Variants in LINGO2 observed in about 807,000 individuals in gnomAD.
LINGO2 encodes leucine-rich repeat and immunoglobulin-like domain-containing nogo receptor-interacting protein 2.
In LINGO2, 14 loss-of-function variants were observed where a neutral mutation model predicts 30.6. That is an observed-to-expected ratio of 0.46 (90% CI 0.30 to 0.72). The LOEUF is 0.72. Among genes scored for constraint, LINGO2 ranks in the 30% least tolerant of loss-of-function variants. The pLI is 0.07. For synonymous variants in LINGO2, 317 were observed against 288.5 expected (o/e 1.10, Z -1.00); for missense variants, 729 against 751.7 (o/e 0.97, Z 0.35).
chr9:28,795,485 A>G, the LINGO2 span, among the ~76,000 whole-genome samples: 25 of 152,108 alleles, frequency 1.6e-4, no homozygotes, highest in Non-Finnish European at 3.2e-4. Flanking sequence ...ACAATTAGCA[A>G]TTTTCAAAAA....
chr9:29,051,341 T>C, the LINGO2 span, among the ~76,000 whole-genome samples: 2 of 152,178 alleles, frequency 1.3e-5, no homozygotes, highest in African/African-American at 4.8e-5. Context: ...TCTTTCACCA[T>C]CTCCATAATT....
At chr9:28,103,118 T>C (rs1305015768) in intron 4 of LINGO2, among the ~76,000 whole-genome samples, 1 of 152,182 alleles carries the variant, frequency 6.6e-6, no homozygotes, top group Non-Finnish European at 1.5e-5. Flanking sequence ...TCTAGAAGAC[T>C]TATTAGTACA....
chr9:28,254,699 A>G (rs1822322328), intron 4 of LINGO2, among the ~76,000 whole-genome samples: 2 of 152,164 alleles, frequency 1.3e-5, no homozygotes, highest in Admixed American at 6.6e-5. Context: ...GCTAGAAGAT[A>G]AAGTTTTCAG....
intron 4 of LINGO2, among the ~76,000 whole-genome samples, chr9:28,036,127 G>A (rs1467456993): frequency 6.6e-6 from 1 of 151,982 alleles, no homozygotes; most frequent in East Asian, 1.9e-4. Flanking sequence ...TGGTGAGGCA[G>A]TAATTATATT....
intron 2 of LINGO2, among the ~76,000 whole-genome samples, chr9:28,410,249 T>C (rs1160380437): frequency 6.6e-6 from 1 of 152,098 alleles, no homozygotes; most frequent in Non-Finnish European, 1.5e-5. Context: ...TTATTCTCCA[T>C]CTTATTTTAT....
the LINGO2 span, among the ~76,000 whole-genome samples, chr9:28,720,144 T>G: frequency 7.9e-5 from 12 of 152,090 alleles, no homozygotes; most frequent in African/African-American, 2.7e-4. Context: ...AACCAATCAC[T>G]GCACAATTAA....
intron 1 of LINGO2, among the ~76,000 whole-genome samples, chr9:28,502,335 G>A (rs1195512672): frequency 6.6e-6 from 1 of 151,926 alleles, no homozygotes; most frequent in Non-Finnish European, 1.5e-5. Flanking sequence ...CAGTATTTCA[G>A]CTTGACTTCT....
intron 3 of LINGO2, among the ~76,000 whole-genome samples, chr9:28,316,142 A>C (rs1824837006): frequency 2.0e-5 from 3 of 152,084 alleles, no homozygotes; most frequent in Non-Finnish European, 4.4e-5. Context: ...CTTGTCATAT[A>C]TTAATAATAA....
At chr9:28,052,536 C>T (rs1824724912) in intron 4 of LINGO2, among the ~76,000 whole-genome samples, 1 of 152,040 alleles carries the variant, frequency 6.6e-6, no homozygotes, top group Non-Finnish European at 1.5e-5. Flanking sequence ...CCAGAGATGA[C>T]ACTGCACAGC....
At chr9:28,590,602 A>C (rs1587922345) in intron 1 of LINGO2, among the ~76,000 whole-genome samples, 2 of 152,128 alleles carry the variant, frequency 1.3e-5, no homozygotes, top group African/African-American at 4.8e-5. Context: ...TCAAAACCAC[A>C]ATGAGATACC....
chr9:28,237,712 G>A (rs28814012), intron 4 of LINGO2, among the ~76,000 whole-genome samples: 20,741 of 151,950 alleles, frequency 0.14, 1,609 homozygotes, highest in African/African-American at 0.21. Context: ...AAAATTAGCC[G>A]GGCATGGTGG....
the LINGO2 span, among the ~76,000 whole-genome samples, chr9:28,753,127 G>A: frequency 3.3e-5 from 5 of 151,808 alleles, no homozygotes; most frequent in Non-Finnish European, 5.9e-5. Flanking sequence ...AAAATCCCAG[G>A]TGCATATTTT....
the LINGO2 span, among the ~76,000 whole-genome samples, chr9:28,842,889 T>C: frequency 6.6e-6 from 1 of 151,942 alleles, no homozygotes; most frequent in Non-Finnish European, 1.5e-5. Flanking sequence ...GCAATAATTA[T>C]GAAGAAGAGT....
At chr9:28,608,188 C>T (rs1281709023) in intron 1 of LINGO2, among the ~76,000 whole-genome samples, 3 of 150,818 alleles carry the variant, frequency 2.0e-5, no homozygotes, top group Non-Finnish European at 4.4e-5. Flanking sequence ...TTCTTATATT[C>T]TCATTCTATG....
the LINGO2 span, among the ~76,000 whole-genome samples, chr9:28,688,882 C>T: frequency 3.3e-5 from 5 of 152,242 alleles, no homozygotes; most frequent in African/African-American, 7.2e-5. Context: ...ATCTGTCTGT[C>T]TTTTTCCCCT....
the LINGO2 span, chr9:27,942,636 T>C: frequency 6.6e-6 from 1 of 152,188 alleles, no homozygotes; most frequent in Non-Finnish European, 1.5e-5. Flanking sequence ...TGTTAGGTTC[T>C]TGGTTATTAA....
intron 2 of LINGO2, among the ~76,000 whole-genome samples, chr9:28,390,022 A>G (rs1821759794): frequency 6.6e-6 from 1 of 152,126 alleles, no homozygotes; most frequent in African/African-American, 2.4e-5. Flanking sequence ...TTACACCAAT[A>G]ATAGTTACTT....
At chr9:28,600,402 C>T (rs1229514692) in intron 1 of LINGO2, among the ~76,000 whole-genome samples, 1 of 151,958 alleles carries the variant, frequency 6.6e-6, no homozygotes, top group Non-Finnish European at 1.5e-5. Flanking sequence ...ATCAATGAAT[C>T]CACAACATTC....
the LINGO2 span, among the ~76,000 whole-genome samples, chr9:28,794,813 TTTTTTTCTTTTC>T: frequency 6.6e-6 from 1 of 151,604 alleles, no homozygotes; most frequent in Non-Finnish European, 1.5e-5. Context: ...AATTATAAAT[TTTTTTTCTTTTC>T]TTTTTTCTTT....
Sources: allele counts gnomAD v4.1 joint callset (sites outside exome capture counted in the v4.1 genomes callset), GRCh38; gene constraint gnomAD v4.1.1; transcripts MANE v1.5; gene names NCBI Gene and HGNC (gene_info 2026-07-23, HGNC 2026-07-21).